Variants in L3MBTL3 observed in about 807,000 individuals in gnomAD.
L3MBTL3 encodes the protein L3MBTL histone methyl-lysine binding protein 3, also known as lethal(3)malignant brain tumor-like protein 3.
L3MBTL3 carries 27 observed loss-of-function variants against 102.3 expected under a neutral mutation model. The ratio of observed to expected loss-of-function variants is 0.26; its 90% CI spans 0.19 to 0.36. The LOEUF (loss-of-function observed/expected upper bound fraction) is 0.36. Among genes scored for constraint, L3MBTL3 ranks in the 10% least tolerant of loss-of-function variants. The pLI, the probability that L3MBTL3 is intolerant of heterozygous loss-of-function variation, is 1.00. For missense variants in L3MBTL3, 798 were observed against 955.3 expected (o/e 0.84, Z 2.17); for synonymous variants, 340 against 320.9 (o/e 1.06, Z -0.64).
chr6:130,032,179 A>G (rs905705365), intron 2 of L3MBTL3, among the ~76,000 whole-genome samples: 30 of 152,192 alleles, frequency 2.0e-4, no homozygotes, highest in African/African-American at 6.0e-4. Context: ...GGTGTGAACC[A>G]CCACACCTGA....
intron 20 of L3MBTL3, among the ~76,000 whole-genome samples, chr6:130,132,768 GT>G (rs111843622): frequency 0.13 from 19,536 of 147,826 alleles, 2,119 homozygotes; most frequent in African/African-American, 0.29. Context: ...ATTCAGTAGG[GT>G]TTTTTTTTTT....
chr6:130,119,180 A>G (rs1316310771), intron 19 of L3MBTL3, among the ~76,000 whole-genome samples: 1 of 152,098 alleles, frequency 6.6e-6, no homozygotes, highest in Non-Finnish European at 1.5e-5. Flanking sequence ...AAAAATATCA[A>G]CTACTCATCA....
chr6:130,083,910 T>G (rs1445239733), intron 15 of L3MBTL3, among the ~76,000 whole-genome samples: 2 of 152,272 alleles, frequency 1.3e-5, no homozygotes, highest in African/African-American at 4.8e-5. Flanking sequence ...AATGCTTTGA[T>G]TTTGGACTTT....
At position 130,104,567 on chromosome 6, in the gene L3MBTL3, T is replaced by A. The variant is rs1784878223; in HGVS notation, c.1878T>A (p.Pro626=). 5.1e-6 allele frequency: 8 copies of A among 1,563,438 alleles called. No homozygotes were observed. Among genetic ancestry groups the A allele is most frequent in the Non-Finnish European group, 6.9e-6 (8 of 1,160,634 alleles). The change falls in exon 19 of 23, where the codon CCT becomes CCA. Residue 626 remains proline (P), a synonymous_variant. Coordinates refer to ENST00000361794, the MANE Select transcript of L3MBTL3 (RefSeq NM_032438.4). Reference sequence around the variant, plus strand: ...ATGCAAATGAAAGCTCTTCTTCCCCTGAAATCAGGTAATCAAAGAGCTAAT... The same window carrying A: ...ATGCAAATGAAAGCTCTTCTTCCCCAGAAATCAGGTAATCAAAGAGCTAAT... ...RTDANESSSS[P]EIRDQHADDV...
intron 14 of L3MBTL3, 47 bp from the exon 15 acceptor site, chr6:130,083,573 C>G (rs1239695459): frequency 1.3e-6 from 1 of 770,836 alleles, no homozygotes; most frequent in African/African-American, 1.8e-5. Flanking sequence ...GTTATTCTTG[C>G]TATCATTTTG....
In L3MBTL3 at chr6:130,063,225, A is replaced by T. The variant is rs1260940582; in HGVS notation, c.864+3085A>T. Reference sequence around the variant, plus strand: ...GAAGAAGTAGGGCTCGTGGATACAGAGAGGCTTGTCTGTTTGGAGGCACAC... The same window carrying T: ...GAAGAAGTAGGGCTCGTGGATACAGTGAGGCTTGTCTGTTTGGAGGCACAC... On this transcript the variant is annotated intron_variant, in intron 10 of 22. Coordinates refer to ENST00000361794, the MANE Select transcript of L3MBTL3 (RefSeq NM_032438.4). Among the ~76,000 whole-genome samples, 3 of 152,112 alleles carry T rather than the reference A, an allele frequency of 2.0e-5. No individual in the cohort carries two copies. The East Asian group carries it at 5.8e-4, about 29-fold the overall frequency.
intron 8 of L3MBTL3, 60 bp downstream of exon 8, chr6:130,055,315 A>T (rs1002225276): frequency 7.5e-7 from 1 of 1,334,680 alleles, no homozygotes. Flanking sequence ...TGGTTCACAC[A>T]GGTGGAAATT....
At chr6:130,112,070 T>C (rs368987450) in intron 19 of L3MBTL3, among the ~76,000 whole-genome samples, 13 of 152,196 alleles carry the variant, frequency 8.5e-5, no homozygotes, top group African/African-American at 2.2e-4. Flanking sequence ...ATCTTTGGGG[T>C]GTCAGATTCA....
intron 3 of L3MBTL3, 46 bp downstream of exon 3, chr6:130,042,847 C>A: frequency 1.7e-6 from 2 of 1,211,726 alleles, no homozygotes; most frequent in Non-Finnish European, 2.5e-6. Flanking sequence ...TGCATCTGTG[C>A]GTATGCTTAC....
chr6:130,139,059 A>G (rs1452866423), intron 22 of L3MBTL3, among the ~76,000 whole-genome samples: 1 of 149,724 alleles, frequency 6.7e-6, no homozygotes, highest in Non-Finnish European at 1.5e-5. Context: ...TCACTGTTTG[A>G]TTGCCCCGTT....
chr6:130,075,428 G>A (rs1022022044), intron 13 of L3MBTL3, among the ~76,000 whole-genome samples: 3 of 152,132 alleles, frequency 2.0e-5, no homozygotes, highest in Non-Finnish European at 2.9e-5. Context: ...GGGGTAGGAT[G>A]TGTTTGGGTA....
chr6:130,116,356 G>A (rs1785676214), intron 19 of L3MBTL3, among the ~76,000 whole-genome samples: 1 of 152,124 alleles, frequency 6.6e-6, no homozygotes. Flanking sequence ...TAAGTAATTT[G>A]CTGATGGTCG....
At chr6:130,112,817 A>G (rs186047162) in intron 19 of L3MBTL3, among the ~76,000 whole-genome samples, 1 of 152,286 alleles carries the variant, frequency 6.6e-6, no homozygotes, top group Middle Eastern at 3.4e-3. Flanking sequence ...GTGCCTCTAG[A>G]TAGAAATGTG....
At chr6:130,115,039 TAA>T (rs35706973) in intron 19 of L3MBTL3, among the ~76,000 whole-genome samples, 7 of 143,638 alleles carry the variant, frequency 4.9e-5, no homozygotes, top group Middle Eastern at 3.5e-3. Context: ...CTCAGAAACT[TAA>T]AAAAAAAAAA....
At chr6:130,096,898 A>G (rs1334765864) in intron 18 of L3MBTL3, among the ~76,000 whole-genome samples, 1 of 152,188 alleles carries the variant, frequency 6.6e-6, no homozygotes, top group Non-Finnish European at 1.5e-5. Flanking sequence ...TGATGGTTTA[A>G]AGGACAAGCA....
At chr6:130,065,666 A>C (rs1435520188) in intron 10 of L3MBTL3, among the ~76,000 whole-genome samples, 1 of 152,176 alleles carries the variant, frequency 6.6e-6, no homozygotes, top group Non-Finnish European at 1.5e-5. Context: ...AGTGGGAAGA[A>C]GTCTCAGGGG....
chr6:130,127,596 A>G (rs180965208), intron 20 of L3MBTL3, among the ~76,000 whole-genome samples: 114 of 151,954 alleles, frequency 7.5e-4, no homozygotes, highest in African/African-American at 2.5e-3. Context: ...ATCAACATTT[A>G]AAAAACATCC....
chr6:130,063,569 C>T (rs895239981), intron 10 of L3MBTL3, among the ~76,000 whole-genome samples: 1 of 152,140 alleles, frequency 6.6e-6, no homozygotes, highest in Non-Finnish European at 1.5e-5. Context: ...TTTTTGTCTA[C>T]TGATCAGTGT....
At chr6:130,138,567 T>C (rs1787959067) in intron 22 of L3MBTL3, 1 of 152,182 alleles carries the variant, frequency 6.6e-6, no homozygotes, top group African/African-American at 2.4e-5. Flanking sequence ...CTTAACCAGT[T>C]ACCTCTGCAC....
Sources: gnomAD v4.1 joint callset for allele counts (sites outside exome capture counted in the v4.1 genomes callset) on GRCh38, gnomAD v4.1.1 for gene constraint, MANE v1.5 for transcripts, NCBI Gene and HGNC (gene_info 2026-07-23, HGNC 2026-07-21) for gene names.